The following RALGPS2 variants were observed in gnomAD, a reference collection of about 807,000 sequenced individuals.
RALGPS2 encodes Ral GEF with PH domain and SH3 binding motif 2.
In RALGPS2, 43 loss-of-function variants were observed where a neutral mutation model predicts 86.8. That is an observed-to-expected ratio of 0.50 (90% CI 0.39 to 0.64). RALGPS2 has a LOEUF of 0.64. Among genes scored for constraint, RALGPS2 ranks in the 30% least tolerant of loss-of-function variants. RALGPS2 has a pLI of 0.00. For synonymous variants in RALGPS2, 243 were observed against 231.3 expected (o/e 1.05, Z -0.46); for missense variants, 536 against 694.6 (o/e 0.77, Z 2.57).
chr1:178,738,592 A>G (rs1350130783), intron 1 of RALGPS2, among the ~76,000 whole-genome samples: 1 of 152,218 alleles, frequency 6.6e-6, no homozygotes. Context: ...TAAATTTCTA[A>G]TAAGTATCTA....
At chr1:178,849,304 G>C (rs900462673) in intron 8 of RALGPS2, among the ~76,000 whole-genome samples, 1 of 152,098 alleles carries the variant, frequency 6.6e-6, no homozygotes, top group African/African-American at 2.4e-5. Context: ...AAGAAACTTA[G>C]TTGCCCAAGT....
intron 4 of RALGPS2, among the ~76,000 whole-genome samples, chr1:178,795,334 G>C (rs1308668923): frequency 1.3e-5 from 2 of 152,126 alleles, no homozygotes; most frequent in Non-Finnish European, 2.9e-5. Context: ...ATTTACTAGG[G>C]ATCAAGGAAG....
intron 1 of RALGPS2, among the ~76,000 whole-genome samples, chr1:178,757,224 G>A (rs1344458864): frequency 5.3e-5 from 8 of 152,116 alleles, no homozygotes; most frequent in Non-Finnish European, 8.8e-5. Context: ...GGTTTTCTAG[G>A]TATAGAATCA....
At chr1:178,875,279 CAT>C (rs548952530) in intron 8 of RALGPS2, among the ~76,000 whole-genome samples, 69 of 152,254 alleles carry the variant, frequency 4.5e-4, no homozygotes, top group Middle Eastern at 3.4e-3. Context: ...TTTCCTGACA[CAT>C]GTGTATCAAA....
Position 178,889,654 on chromosome 1 carries a change from G to C in RALGPS2, c.1205G>C (p.Gly402Ala). The C allele has an allele frequency of 6.2e-7, 1 of 1,607,774 alleles. No homozygotes were observed. ...CTTTTCATTTTAGGTAGCAGCGATG[G>C]TTCTGAACTAAGTGAAGAGACCTCA... ...SSGISIGSSD[G>A]SELSEETSWP... The change falls in exon 14 of 20, where the codon GGT becomes GCT. Residue 402 changes from glycine (G) to alanine (A), a missense_variant. Gly to Ala is a moderately conservative substitution (Grantham distance 60). Coordinates refer to ENST00000367635, the MANE Select transcript of RALGPS2 (RefSeq NM_152663.5).
chr1:178,754,224 A>G (rs1651838035), intron 1 of RALGPS2, among the ~76,000 whole-genome samples: 1 of 150,820 alleles, frequency 6.6e-6, no homozygotes, highest in African/African-American at 2.4e-5. Flanking sequence ...GGATGTGTAT[A>G]TATATTTTAT....
rs1333296528 is a variant in RALGPS2, at chr1:178,886,132, T to G, written c.1192+12T>G. Reference sequence around the variant, plus strand: ...TGGAATATCAATAGGTGAGAAATACTTCTCTGAGAGGGTTGCAATTTAACT... The same window carrying G: ...TGGAATATCAATAGGTGAGAAATACGTCTCTGAGAGGGTTGCAATTTAACT... On this transcript the variant is annotated intron_variant, in intron 13 of 19. Transcript: ENST00000367635. 1.2e-6 allele frequency: 2 copies of G among 1,602,486 alleles called. No homozygotes were observed. The highest frequency in any genetic ancestry group is 1.7e-6 in the Non-Finnish European group (2 of 1,176,504).
At chr1:178,730,530 T>C (rs370020545) in intron 1 of RALGPS2, among the ~76,000 whole-genome samples, 2 of 152,010 alleles carry the variant, frequency 1.3e-5, no homozygotes. Context: ...TTCTACAAAC[T>C]GTCCCAATAT....
At chr1:178,915,880 C>A (rs1481324237) in intron 19 of RALGPS2, among the ~76,000 whole-genome samples, 2 of 152,078 alleles carry the variant, frequency 1.3e-5, no homozygotes, top group African/African-American at 4.8e-5. Context: ...CAAATAAATT[C>A]TTAGTAATGT....
At chr1:178,859,688 C>A (rs1657831797) in intron 8 of RALGPS2, among the ~76,000 whole-genome samples, 1 of 138,898 alleles carries the variant, frequency 7.2e-6, no homozygotes, top group African/African-American at 2.6e-5. Flanking sequence ...ACATCATACA[C>A]GAAGCACTTT....
chr1:178,920,626 C>T lies in RALGPS2; in HGVS notation c.*4267C>T, dbSNP rs376192648. 1.3e-5 allele frequency: 2 copies of T among 151,960 alleles called. No individual in the cohort carries two copies. The highest frequency in any genetic ancestry group is 4.8e-5 in the African/African-American group (2 of 41,394). 9.4% of individuals were successfully genotyped at this position (151,960 alleles called of 1,614,324 possible). On this transcript the variant is annotated 3_prime_UTR_variant, in exon 20 of 20. Transcript: ENST00000367635. ...GAGTAGGAGATTAAAAATAAACCCA[C>T]CCCAGTCAACCTTTAGATAAGCACT...
chr1:178,750,578 C>G (rs1368423498), intron 1 of RALGPS2, among the ~76,000 whole-genome samples: 3 of 152,128 alleles, frequency 2.0e-5, no homozygotes, highest in Non-Finnish European at 2.9e-5. Context: ...AATAAGGCAA[C>G]CTTAGCTTTT....
chr1:178,813,672 G>A (rs1266479068), intron 6 of RALGPS2, among the ~76,000 whole-genome samples: 1 of 152,152 alleles, frequency 6.6e-6, no homozygotes, highest in Non-Finnish European at 1.5e-5. Context: ...CAATTGAAGG[G>A]ACTGGCAAGT....
rs748913080 is a variant in RALGPS2 at position 178,846,936 on chromosome 1, TG to T, written c.607+13387del. On this transcript the variant is annotated intron_variant, in intron 8 of 19. Transcript: ENST00000367635. Reference sequence around the variant, plus strand: ...CATAACAGCAGTTTTATAAGGTAAATGATACTTGTATTTTACAGGTGAAGAA... The same window carrying T: ...CATAACAGCAGTTTTATAAGGTAAATATACTTGTATTTTACAGGTGAAGAA... Among the ~76,000 whole-genome samples the T allele has an allele frequency of 1.0e-3, 156 of 152,344 alleles. 1 individual carries two copies. Among genetic ancestry groups the T allele is most frequent in the Non-Finnish European group, 2.4e-4 (16 of 68,030 alleles).
At chr1:178,743,161 G>C (rs1179990507) in intron 1 of RALGPS2, among the ~76,000 whole-genome samples, 1 of 152,200 alleles carries the variant, frequency 6.6e-6, no homozygotes, top group Non-Finnish European at 1.5e-5. Context: ...AGTGAGCTAT[G>C]ATTATGCCAC....
At chr1:178,903,232 T>C (rs552252510) in intron 18 of RALGPS2, among the ~76,000 whole-genome samples, 1 of 152,198 alleles carries the variant, frequency 6.6e-6, no homozygotes, top group African/African-American at 2.4e-5. Context: ...ATCCCACTTT[T>C]ATGTTTCAGT....
chr1:178,759,932 T>C (rs1329327091), intron 1 of RALGPS2, among the ~76,000 whole-genome samples: 1 of 152,228 alleles, frequency 6.6e-6, no homozygotes, highest in Non-Finnish European at 1.5e-5. Context: ...TGTATGTTCA[T>C]TTTATACCCT....
chr1:178,781,740 A>C (rs1288275620), intron 2 of RALGPS2, among the ~76,000 whole-genome samples: 1 of 152,212 alleles, frequency 6.6e-6, no homozygotes, highest in African/African-American at 2.4e-5. Flanking sequence ...ACCTGACAGA[A>C]TGCATCTGGT....
At chr1:178,877,229 C>G (rs951506237) in intron 8 of RALGPS2, among the ~76,000 whole-genome samples, 1 of 151,954 alleles carries the variant, frequency 6.6e-6, no homozygotes. Context: ...TAACTCTAGC[C>G]TCAAACTATA....
Sources: allele counts gnomAD v4.1 joint callset (sites outside exome capture counted in the v4.1 genomes callset), GRCh38; gene constraint gnomAD v4.1.1; transcripts MANE v1.5; gene names NCBI Gene and HGNC (gene_info 2026-07-23, HGNC 2026-07-21).